Variants in TMEM18 observed in about 807,000 individuals in gnomAD.
The protein encoded by TMEM18 is transmembrane protein 18.
TMEM18 carries 14 observed loss-of-function variants against 17.4 expected under a neutral mutation model. The observed-to-expected ratio is 0.80, with a 90% confidence interval of 0.53 to 1.25. TMEM18 has a LOEUF of 1.25. Ranked by LOEUF, TMEM18 falls within the 50% of genes most tolerant of loss-of-function variation. The pLI, the probability that TMEM18 is intolerant of heterozygous loss-of-function variation, is 0.00. For synonymous variants in TMEM18, 86 were observed against 66.1 expected, an observed-to-expected ratio of 1.30 and a Z score of -1.46; for missense variants, 187 against 172.1, an observed-to-expected ratio of 1.09 and a Z score of -0.48.
Position 669,807 on chromosome 2 carries a change from T to C in TMEM18, c.277A>G (p.Ile93Val). ...YQYFDSRGMFISIVFSAPLLV... is the reference protein window; with the variant it reads ...YQYFDSRGMFVSIVFSAPLLV... ...AGTGGGGCTGAAAATACTATAGAAA[T>C]GAACATCCCCCTGGAGTCGAAATAC... Residue 93 changes from isoleucine (I) to valine (V), a missense_variant, in exon 4 of 5, where the codon ATT becomes GTT. Coordinates refer to ENST00000281017, the MANE Select transcript of TMEM18 (RefSeq NM_152834.4). The C allele has an allele frequency of 6.2e-7, 1 of 1,613,862 alleles. No individual in the cohort carries two copies. Among genetic ancestry groups the C allele is most frequent in the Non-Finnish European group, 8.5e-7 (1 of 1,179,980 alleles).
Position 669,445 on chromosome 2 carries a change from T to C in TMEM18, c.*135A>G. ...CCAACTTCAGTGTGTGCCCTACCAC[T>C]GTGGATATTTAAATAAAACAACGGT... On this transcript the variant is annotated 3_prime_UTR_variant, in exon 5 of 5. Transcript: ENST00000281017. 1.1e-6 allele frequency: 1 copy of C among 885,296 alleles called. No individual in the cohort carries two copies. The highest frequency in any genetic ancestry group is 1.6e-5 in the South Asian group (1 of 62,974). 54.8% of individuals were successfully genotyped at this position (885,296 alleles called of 1,614,324 possible).
intron 1 of TMEM18, chr2:676,098 G>A: frequency 2.3e-6 from 3 of 1,322,340 alleles, no homozygotes; most frequent in Non-Finnish European, 3.0e-6. Context: ...AGACTCCTTA[G>A]TCAGCACTGA....
intron 1 of TMEM18, 152 bp downstream of exon 1, chr2:677,137 G>A (rs1179871157): frequency 2.1e-6 from 2 of 971,316 alleles, no homozygotes; most frequent in South Asian, 1.4e-5. Flanking sequence ...ACTCCCACAG[G>A]TCTCAGGACC....
intron 3 of TMEM18, 31 bp downstream of exon 3, chr2:672,777 G>A (rs774574185): frequency 2.1e-6 from 3 of 1,445,620 alleles, no homozygotes; most frequent in Admixed American, 3.0e-5. Context: ...CCCCTGCAGG[G>A]ACCTGGTCAC....
chr2:673,940 C>G (rs1264892918), intron 2 of TMEM18, among the ~76,000 whole-genome samples: 1 of 151,904 alleles, frequency 6.6e-6, no homozygotes, highest in East Asian at 1.9e-4. Flanking sequence ...GGAAGGCGGG[C>G]AGGGAGGGTG....
Position 669,382 on chromosome 2 carries a change from G to C in TMEM18, c.*198C>G, listed in dbSNP as rs530955604. The stretch of plus-strand genomic sequence containing the variant: ...CTACAAAGATCAGGCACCTGAAGAC[G>C]CATGTCCTGATGGATACATTCAGTG... On this transcript the variant is annotated 3_prime_UTR_variant, in exon 5 of 5. Coordinates refer to ENST00000281017, the MANE Select transcript of TMEM18 (RefSeq NM_152834.4). 10 of 619,104 alleles carry C rather than the reference G, an allele frequency of 1.6e-5. No individual in the cohort carries two copies. Among genetic ancestry groups the C allele is most frequent in the African/African-American group, 3.7e-5 (2 of 54,446 alleles). The allele number at this position is 619,104 out of a possible 1,614,324, so 38.4% of individuals were successfully genotyped here.
chr2:667,486 T>C lies in TMEM18; in HGVS notation c.*2094A>G, dbSNP rs534185017. 2.6e-5 allele frequency: 4 copies of C among 152,312 alleles called. No homozygotes were observed. The South Asian group carries it at 8.3e-4, about 32-fold the overall frequency. The allele number at this position is 152,312 out of a possible 1,614,324, so 9.4% of individuals were successfully genotyped here. ...TGTTCTACTTAAACAGATGAAGCTC[T>C]CCAGTGAGTCATCCACATTTATGGA... is the stretch of plus-strand genomic sequence containing the variant. On this transcript the variant is annotated 3_prime_UTR_variant, in exon 5 of 5. Transcript: ENST00000281017.
intron 2 of TMEM18, among the ~76,000 whole-genome samples, chr2:673,133 G>A (rs74781052): frequency 0.014 from 2,198 of 152,272 alleles, 52 homozygotes; most frequent in African/African-American, 0.049. Context: ...TGCAGGAGCC[G>A]CCCGAGGCCC....
chr2:669,412 C>A lies in TMEM18; in HGVS notation c.*168G>T. ...TCCTGATGGATACATTCAGTGCTGG[C>A]TGAAAAGCCAACTTCAGTGTGTGCC... is the stretch of plus-strand genomic sequence containing the variant. On this transcript the variant is annotated 3_prime_UTR_variant, in exon 5 of 5. Coordinates refer to ENST00000281017, the MANE Select transcript of TMEM18 (RefSeq NM_152834.4). 1 of 708,674 alleles carries A rather than the reference C, an allele frequency of 1.4e-6. No homozygotes were observed. Among genetic ancestry groups the A allele is most frequent in the East Asian group, 2.5e-5 (1 of 39,880 alleles). 43.9% of individuals were successfully genotyped at this position (708,674 alleles called of 1,614,324 possible).
chr2:675,430 T>C, intron 2 of TMEM18, 80 bp downstream of exon 2: 2 of 1,594,766 alleles, frequency 1.3e-6, no homozygotes, highest in Admixed American at 3.4e-5. Context: ...TATGTATATA[T>C]TTCGAAGACA....
In TMEM18 at chr2:676,177, C is replaced by T. The variant is rs2293083; in HGVS notation, c.58-547G>A. 3,076 of 1,342,586 alleles carry T rather than the reference C, an allele frequency of 2.3e-3. 5 individuals carry two copies. Among genetic ancestry groups the T allele is most frequent in the Non-Finnish European group, 2.7e-3 (2,714 of 1,014,468 alleles). 83.2% of individuals were successfully genotyped at this position (1,342,586 alleles called of 1,614,324 possible). On this transcript the variant is annotated intron_variant, in intron 1 of 4. Coordinates refer to ENST00000281017, the MANE Select transcript of TMEM18 (RefSeq NM_152834.4). ...TTTTCTCCAACCTCTCTGCAATACA[C>T]TGAACTCTCCAGACAGTGCCGCACT...
rs771991343 is a variant in TMEM18 at position 669,896 on chromosome 2, A to G, written c.234-46T>C. ...AAAAATTACTAGGCAATACAACCAA[A>G]AAGTTCTAGTGACACCGTCTATTTA... On this transcript the variant is annotated intron_variant, in intron 3 of 4. Transcript: ENST00000281017. 8.0e-5 allele frequency: 116 copies of G among 1,457,866 alleles called. No homozygotes were observed. The Middle Eastern group carries it at 1.2e-3, about 15-fold the overall frequency. The allele number at this position is 1,457,866 out of a possible 1,614,324, so 90.3% of individuals were successfully genotyped here.
At chr2:676,180 AACTCTCCAG>A (rs1185785009) in intron 1 of TMEM18, 1 of 1,346,570 alleles carries the variant, frequency 7.4e-7, no homozygotes, top group Non-Finnish European at 9.8e-7. Context: ...CAATACACTG[AACTCTCCAG>A]ACAGTGCCGC....
intron 3 of TMEM18, among the ~76,000 whole-genome samples, chr2:672,332 C>T (rs570666473): frequency 6.6e-5 from 10 of 152,148 alleles, no homozygotes; most frequent in Admixed American, 3.9e-4. Flanking sequence ...GGGCAGAGGA[C>T]GCAGGGCCAG....
chr2:669,607 T>C lies in TMEM18; in HGVS notation c.396A>G (p.Glu132=), dbSNP rs1363619679. 6.2e-7 allele frequency: 1 copy of C among 1,614,260 alleles called. No individual in the cohort carries two copies. Among genetic ancestry groups the C allele is most frequent in the Non-Finnish European group, 8.5e-7 (1 of 1,180,048 alleles). The part of the protein sequence containing the change: ...DLKNAQERRK[E]KKRRRKED Reference sequence around the variant, plus strand: ...AGTCTTCTTTCCTTCTCCTTTTCTTTTCCTTTCTTCTCTCTTGTGCATTCT... The same window carrying C: ...AGTCTTCTTTCCTTCTCCTTTTCTTCTCCTTTCTTCTCTCTTGTGCATTCT... The change falls in exon 5 of 5, where the codon GAA becomes GAG. Residue 132 remains glutamate (E), a synonymous_variant. Transcript: ENST00000281017.
intron 1 of TMEM18, chr2:675,856 A>G: frequency 6.6e-7 from 1 of 1,508,620 alleles, no homozygotes; most frequent in Non-Finnish European, 8.8e-7. Flanking sequence ...CCTCAGTGCA[A>G]CTATAATTCA....
chr2:671,346 T>C lies in TMEM18; in HGVS notation c.233+1462A>G, dbSNP rs77293220. On this transcript the variant is annotated intron_variant, in intron 3 of 4. Transcript: ENST00000281017. The stretch of plus-strand genomic sequence containing the variant: ...GGACAAGGTCAGGGTCACCAGGGAC[T>C]GAACACCCCTCCTGGGACTGAACCA... Among the ~76,000 whole-genome samples, 685 of 150,980 alleles carry C rather than the reference T, an allele frequency of 4.5e-3. 8 individuals are homozygous for C. The highest frequency in any genetic ancestry group is 0.016 in the African/African-American group (653 of 40,342).
At position 675,683 on chromosome 2, in the gene TMEM18, C is replaced by T. The variant is rs547568776; in HGVS notation, c.58-53G>A. 1.3e-5 allele frequency: 21 copies of T among 1,602,518 alleles called. No individual in the cohort carries two copies. The African/African-American group carries it at 2.7e-4, about 20-fold the overall frequency. ...CTGTCCTGCCACTCAAGGCCGGGTT[C>T]ACGGCCCACCCACAGCCTTCTCCCA... is the stretch of plus-strand genomic sequence containing the variant. On this transcript the variant is annotated intron_variant, in intron 1 of 4. Coordinates refer to ENST00000281017, the MANE Select transcript of TMEM18 (RefSeq NM_152834.4).
chr2:673,614 T>A (rs1468448902), intron 2 of TMEM18, among the ~76,000 whole-genome samples: 2 of 151,952 alleles, frequency 1.3e-5, no homozygotes, highest in South Asian at 4.2e-4. Flanking sequence ...TTGATACACA[T>A]CAGAAAGCAG....
Sources: allele counts gnomAD v4.1 joint callset (sites outside exome capture counted in the v4.1 genomes callset), GRCh38; gene constraint gnomAD v4.1.1; transcripts MANE v1.5; gene names NCBI Gene and HGNC (gene_info 2026-07-23, HGNC 2026-07-21).